The following CCDC178 variants were observed in gnomAD, a reference collection of about 807,000 sequenced individuals.
CCDC178 encodes the protein coiled-coil domain containing 178, also known as coiled-coil domain-containing protein 178.
CCDC178 carries 126 observed loss-of-function variants against 117.4 expected under a neutral mutation model. The ratio of observed to expected loss-of-function variants is 1.07; its 90% CI spans 0.93 to 1.24. CCDC178 has a LOEUF of 1.24. Ranked by LOEUF, CCDC178 falls within the 50% of genes most tolerant of loss-of-function variation. CCDC178 has a pLI of 0.00. For synonymous variants in CCDC178, 283 were observed against 313.4 expected (o/e 0.90, Z 1.02); for missense variants, 1,030 against 986.9 (o/e 1.04, Z -0.59).
chr18:33,397,058 T>C (rs2063647702), intron 4 of CCDC178, 91 bp downstream of exon 4: 1 of 816,140 alleles, frequency 1.2e-6, no homozygotes, highest in African/African-American at 1.7e-5. Context: ...GAAGAATGCC[T>C]GAAATTATTT....
chr18:33,049,260 A>C (rs1242868438), intron 21 of CCDC178, among the ~76,000 whole-genome samples: 3 of 152,094 alleles, frequency 2.0e-5, no homozygotes, highest in African/African-American at 4.8e-5. Context: ...CATATTGAGA[A>C]ACTATAATAA....
At chr18:33,087,033 GACACACAC>G (rs35149990) in intron 21 of CCDC178, among the ~76,000 whole-genome samples, 18 of 133,464 alleles carry the variant, frequency 1.3e-4, no homozygotes, top group Middle Eastern at 3.9e-3. Flanking sequence ...GCCATTGGTT[GACACACAC>G]ACACACACAC....
chr18:33,066,544 A>G (rs957992265), intron 21 of CCDC178, among the ~76,000 whole-genome samples: 6 of 152,218 alleles, frequency 3.9e-5, no homozygotes, highest in African/African-American at 1.4e-4. Flanking sequence ...CTCACTTAAA[A>G]GACATAAACT....
At chr18:33,144,013 C>G in intron 20 of CCDC178, among the ~76,000 whole-genome samples, 1 of 152,032 alleles carries the variant, frequency 6.6e-6, no homozygotes, top group Non-Finnish European at 1.5e-5. Flanking sequence ...CTTTACTGCA[C>G]CACCTTTGAG....
At chr18:33,205,876 G>A (rs2059040227) in intron 20 of CCDC178, among the ~76,000 whole-genome samples, 1 of 152,070 alleles carries the variant, frequency 6.6e-6, no homozygotes. Flanking sequence ...TGTACTTTTT[G>A]TAGTGACAGG....
intron 16 of CCDC178, among the ~76,000 whole-genome samples, chr18:33,225,436 AGGCGTGAG>A (rs2059291511): frequency 1.3e-5 from 2 of 152,218 alleles, no homozygotes; most frequent in Admixed American, 1.3e-4. Flanking sequence ...CTGGGATTAC[AGGCGTGAG>A]CCACCACACA....
At chr18:33,034,720 C>T (rs186023497) in intron 21 of CCDC178, among the ~76,000 whole-genome samples, 5 of 152,022 alleles carry the variant, frequency 3.3e-5, no homozygotes, top group Admixed American at 3.3e-4. Context: ...AGTATGTTTC[C>T]AGATCCTAGC....
chr18:33,414,577 G>A (rs2144907839), intron 2 of CCDC178, among the ~76,000 whole-genome samples: 1 of 152,256 alleles, frequency 6.6e-6, no homozygotes, highest in Admixed American at 6.5e-5. Context: ...TTAAATGTTA[G>A]ACCAAAAACC....
At chr18:32,979,489 A>T (rs1479781077) in intron 21 of CCDC178, among the ~76,000 whole-genome samples, 1 of 152,192 alleles carries the variant, frequency 6.6e-6, no homozygotes, top group African/African-American at 2.4e-5. Context: ...ACCAATTTTG[A>T]ATTGTAATAG....
intron 18 of CCDC178, among the ~76,000 whole-genome samples, chr18:33,221,007 G>A (rs1051183200): frequency 2.0e-5 from 3 of 151,994 alleles, no homozygotes; most frequent in African/African-American, 4.8e-5. Flanking sequence ...ACCAGACAGG[G>A]ATGGAGCTGT....
At chr18:33,086,663 G>C (rs1035825614) in intron 21 of CCDC178, among the ~76,000 whole-genome samples, 1 of 151,686 alleles carries the variant, frequency 6.6e-6, no homozygotes, top group South Asian at 2.1e-4. Flanking sequence ...TCTAAGAAGG[G>C]GATATAGTAC....
chr18:33,336,787 T>A (rs926394429), intron 9 of CCDC178, among the ~76,000 whole-genome samples: 1 of 151,952 alleles, frequency 6.6e-6, no homozygotes, highest in African/African-American at 2.4e-5. Flanking sequence ...ATTAAAAAAA[T>A]GTTTCTATGG....
At chr18:33,123,347 C>T (rs1365607490) in intron 20 of CCDC178, among the ~76,000 whole-genome samples, 1 of 151,966 alleles carries the variant, frequency 6.6e-6, no homozygotes, top group Non-Finnish European at 1.5e-5. Flanking sequence ...GTAATGAGGG[C>T]CTTTACTAAG....
In CCDC178 at chr18:33,425,125, A is replaced by G. The variant is rs972932049; in HGVS notation, c.-22-13015T>C. On this transcript the variant is annotated intron_variant, in intron 2 of 22. Transcript: ENST00000383096. ...GAAAGTAAAAAATAAAATAGTGTCC[A>G]ATATTTTATCCATACAGCTTCTAAA... is the stretch of plus-strand genomic sequence containing the variant. 7.2e-5 allele frequency among the ~76,000 whole-genome samples: 11 copies of G among 152,192 alleles called. 1 individual carries two copies. The highest frequency in any genetic ancestry group is 6.5e-4 in the Admixed American group (10 of 15,280).
chr18:33,279,441 T>G (rs374860828), intron 12 of CCDC178, among the ~76,000 whole-genome samples: 1 of 151,852 alleles, frequency 6.6e-6, no homozygotes, highest in African/African-American at 2.4e-5. Flanking sequence ...CACTGCTCAA[T>G]GAAATAAAAG....
intron 21 of CCDC178, among the ~76,000 whole-genome samples, chr18:33,034,387 T>C (rs756025292): frequency 6.6e-6 from 1 of 152,072 alleles, no homozygotes; most frequent in Non-Finnish European, 1.5e-5. Context: ...AAGCTTTTTA[T>C]GTAAACTAGT....
chr18:33,081,133 C>G (rs184394979), intron 21 of CCDC178, among the ~76,000 whole-genome samples: 11 of 152,196 alleles, frequency 7.2e-5, no homozygotes, highest in Non-Finnish European at 1.5e-4. Flanking sequence ...GTGAAGTACT[C>G]TATAGGTTTC....
Position 32,974,652 on chromosome 18 carries a change from T to C in CCDC178, c.2418A>G (p.Thr806=), listed in dbSNP as rs1728476442. 3.7e-6 allele frequency: 6 copies of C among 1,613,274 alleles called. No individual in the cohort carries two copies. The Admixed American group carries it at 6.7e-5, about 18-fold the overall frequency. ...CCAGTTTGAAGTGCTCCTGCCACAG[T>C]GTGTGCATCCTTCTCTGCAGCTGAC... The part of the protein sequence containing the change: ...QLCQLQRRMH[T]LWQEHFKLVV... Residue 806 remains threonine (T), a synonymous_variant, in exon 22 of 23, where the codon ACA becomes ACG. Coordinates refer to ENST00000383096, the MANE Select transcript of CCDC178 (RefSeq NM_001105528.4).
intron 20 of CCDC178, among the ~76,000 whole-genome samples, chr18:33,126,535 T>A (rs1360595583): frequency 6.6e-6 from 1 of 151,872 alleles, no homozygotes; most frequent in Non-Finnish European, 1.5e-5. Context: ...CAGGACCCCC[T>A]GCATATACTG....
Sources: allele counts gnomAD v4.1 joint callset (sites outside exome capture counted in the v4.1 genomes callset), GRCh38; gene constraint gnomAD v4.1.1; transcripts MANE v1.5; gene names NCBI Gene and HGNC (gene_info 2026-07-23, HGNC 2026-07-21).